PAIP2: variants seen among roughly 807,000 people sequenced by gnomAD.
PAIP2 encodes poly(A) binding protein interacting protein 2, also known as polyadenylate-binding protein-interacting protein 2.
Under a neutral mutation model 14.8 loss-of-function variants are expected in PAIP2, and 7 were observed. That is an observed-to-expected ratio of 0.47 (90% confidence interval 0.27 to 0.89). The LOEUF (loss-of-function observed/expected upper bound fraction) is 0.89. Among genes scored for constraint, PAIP2 ranks in the 40% least tolerant of loss-of-function variants. The pLI, the probability that PAIP2 is intolerant of heterozygous loss-of-function variation, is 0.13. For synonymous variants in PAIP2, 47 were observed against 45.3 expected, an observed-to-expected ratio of 1.04 and a Z score of -0.15; for missense variants, 122 against 154.7, an observed-to-expected ratio of 0.79 and a Z score of 1.12.
chr5:139,367,892 A>G (rs974429904), intron 3 of PAIP2, among the ~76,000 whole-genome samples: 2 of 152,180 alleles, frequency 1.3e-5, no homozygotes, highest in Non-Finnish European at 2.9e-5. Context: ...TTCAATTCCT[A>G]TTTTCTCTTT....
At chr5:139,358,780 G>T (rs903042358) in intron 1 of PAIP2, among the ~76,000 whole-genome samples, 2 of 152,192 alleles carry the variant, frequency 1.3e-5, no homozygotes, top group Non-Finnish European at 2.9e-5. Context: ...CATATTTTAT[G>T]ATTCCATTTA....
intron 1 of PAIP2, 147 bp from the exon 2 acceptor site, chr5:139,363,612 C>T: frequency 1.6e-6 from 1 of 616,716 alleles, no homozygotes; most frequent in Non-Finnish European, 2.7e-6. Flanking sequence ...GTCCCAGTTA[C>T]TTGGGAGGCT....
At chr5:139,365,622 C>T (rs1757207676) in intron 3 of PAIP2, among the ~76,000 whole-genome samples, 6 of 151,146 alleles carry the variant, frequency 4.0e-5, no homozygotes, top group Admixed American at 3.3e-4. Context: ...TCCGAGATTA[C>T]GCCACTGCAC....
intron 1 of PAIP2, among the ~76,000 whole-genome samples, chr5:139,347,576 A>G (rs1185995470): frequency 2.0e-5 from 3 of 152,112 alleles, no homozygotes; most frequent in African/African-American, 7.2e-5. Flanking sequence ...GCCAGGCCAT[A>G]CAACATTTTT....
intron 1 of PAIP2, among the ~76,000 whole-genome samples, chr5:139,353,721 T>C (rs1046172694): frequency 9.5e-6 from 1 of 105,398 alleles, no homozygotes; most frequent in Admixed American, 1.0e-4. Context: ...GCATTGTCTT[T>C]TCTTTTTTTT....
chr5:139,354,575 G>T (rs1305305267), intron 1 of PAIP2, among the ~76,000 whole-genome samples: 1 of 152,024 alleles, frequency 6.6e-6, no homozygotes, highest in Non-Finnish European at 1.5e-5. Flanking sequence ...GGGAGTTTTA[G>T]GCTGTTATCT....
chr5:139,344,904 T>C (rs866007964), intron 1 of PAIP2, among the ~76,000 whole-genome samples: 9 of 152,168 alleles, frequency 5.9e-5, no homozygotes, highest in African/African-American at 2.2e-4. Flanking sequence ...CCAATTGTTA[T>C]GTGCTAGGTT....
rs1177894968 is a variant in PAIP2, at chr5:139,369,355, T to C, written c.*557T>C. ...TTCTGGTATGTTATTGTTAGAAATATTGAGTTCTAATGTTACATCTGAGGA... is the reference window on the plus strand; with the variant it reads ...TTCTGGTATGTTATTGTTAGAAATACTGAGTTCTAATGTTACATCTGAGGA... On this transcript the variant is annotated 3_prime_UTR_variant, in exon 4 of 4. Transcript: ENST00000265192. 1.3e-5 allele frequency: 2 copies of C among 152,882 alleles called. No homozygotes were observed. The highest frequency in any genetic ancestry group is 2.4e-5 in the African/African-American group (1 of 41,470). 9.5% of individuals were successfully genotyped at this position (152,882 alleles called of 1,614,324 possible). A position where few individuals can be genotyped will look rare whatever the true frequency, so the allele number is the denominator to read the frequency against.
chr5:139,345,626 ATTT>A (rs34133705), intron 1 of PAIP2, among the ~76,000 whole-genome samples: 3 of 138,960 alleles, frequency 2.2e-5, no homozygotes, highest in Non-Finnish European at 1.6e-5. Flanking sequence ...CTATGCTTGA[ATTT>A]TTTTTTTTTT....
chr5:139,342,491 T>C (rs73255251), intron 1 of PAIP2: 2,836 of 152,236 alleles, frequency 0.019, 101 homozygotes, highest in African/African-American at 0.065. Context: ...TCTTGGCGTC[T>C]TGGGGGAACG....
intron 3 of PAIP2, among the ~76,000 whole-genome samples, chr5:139,365,508 A>T (rs1757200050): frequency 6.6e-6 from 1 of 151,880 alleles, no homozygotes; most frequent in African/African-American, 2.4e-5. Flanking sequence ...GAAAAAAAAA[A>T]TACAAAAATT....
chr5:139,368,208 G>A (rs954497708), intron 3 of PAIP2, among the ~76,000 whole-genome samples: 2 of 152,044 alleles, frequency 1.3e-5, no homozygotes, highest in African/African-American at 4.8e-5. Flanking sequence ...CGTGGCGGTG[G>A]GCGCCTGTAG....
intron 1 of PAIP2, among the ~76,000 whole-genome samples, chr5:139,356,731 C>T (rs1429491786): frequency 1.3e-5 from 2 of 149,920 alleles, no homozygotes; most frequent in Non-Finnish European, 3.0e-5. Flanking sequence ...TAAAAGTATA[C>T]AGAAAATTAG....
chr5:139,347,157 A>G (rs1756575792), intron 1 of PAIP2, among the ~76,000 whole-genome samples: 1 of 152,174 alleles, frequency 6.6e-6, no homozygotes, highest in Non-Finnish European at 1.5e-5. Context: ...TACAACATTG[A>G]AAGTTGGAAT....
At chr5:139,352,817 T>G (rs1756787896) in intron 1 of PAIP2, among the ~76,000 whole-genome samples, 1 of 151,526 alleles carries the variant, frequency 6.6e-6, no homozygotes, top group Non-Finnish European at 1.5e-5. Context: ...GAGCCAAAGA[T>G]AAGATAGTAA....
At position 139,369,235 on chromosome 5, in the gene PAIP2, G is replaced by A. The variant is rs1392997524; in HGVS notation, c.*437G>A. 6.5e-6 allele frequency: 1 copy of A among 153,722 alleles called. No individual in the cohort carries two copies. The highest frequency in any genetic ancestry group is 1.5e-5 in the Non-Finnish European group (1 of 68,880). 9.5% of individuals were successfully genotyped at this position (153,722 alleles called of 1,614,324 possible). A position where few individuals can be genotyped will look rare whatever the true frequency, so the allele number is the denominator to read the frequency against. ...TCAAAAAGAATCTCCATTTTCTGAA[G>A]GTCTGTTAGTTAATTTGAGATAATT... On this transcript the variant is annotated 3_prime_UTR_variant, in exon 4 of 4. Coordinates refer to ENST00000265192, the MANE Select transcript of PAIP2 (RefSeq NM_016480.5).
chr5:139,356,682 G>A (rs1360702214), intron 1 of PAIP2, among the ~76,000 whole-genome samples: 4 of 151,722 alleles, frequency 2.6e-5, no homozygotes, highest in East Asian at 3.9e-4. Flanking sequence ...TCAGGAGTTC[G>A]AGACCAGCCT....
chr5:139,365,705 A>G (rs918277125), intron 3 of PAIP2, among the ~76,000 whole-genome samples: 1 of 152,094 alleles, frequency 6.6e-6, no homozygotes, highest in African/African-American at 2.4e-5. Context: ...GCTTTTTACA[A>G]TGGAAGCAGA....
At chr5:139,361,929 C>T (rs1012075674) in intron 1 of PAIP2, among the ~76,000 whole-genome samples, 4 of 118,242 alleles carry the variant, frequency 3.4e-5, no homozygotes, top group Non-Finnish European at 5.4e-5. Flanking sequence ...GGGTGAGACC[C>T]TGTCTCAAAA....
Sources: gnomAD v4.1 joint callset for allele counts (sites outside exome capture counted in the v4.1 genomes callset) on GRCh38, gnomAD v4.1.1 for gene constraint, MANE v1.5 for transcripts, NCBI Gene and HGNC (gene_info 2026-07-23, HGNC 2026-07-21) for gene names.